The following GALNT13 variants were observed in gnomAD, a reference collection of about 807,000 sequenced individuals.
GALNT13 encodes the protein UDP-GalNAc:polypeptide N-acetylgalactosaminyltransferase 13.
GALNT13 carries 28 observed loss-of-function variants against 64.2 expected under a neutral mutation model. That is an observed-to-expected ratio of 0.44 (90% confidence interval 0.32 to 0.60). The LOEUF is 0.60. Among genes scored for constraint, GALNT13 ranks in the 20% least tolerant of loss-of-function variants. The probability of loss-of-function intolerance (pLI) is 0.05; values close to 1 mark genes in which losing one functional copy is unlikely to be tolerated. For synonymous variants in GALNT13, 214 were observed against 224.6 expected, an observed-to-expected ratio of 0.95 and a Z score of 0.42; for missense variants, 577 against 669.8, an observed-to-expected ratio of 0.86 and a Z score of 1.53.
At chr2:154,138,508 TA>T (rs1423366145) in intron 3 of GALNT13, among the ~76,000 whole-genome samples, 2 of 151,506 alleles carry the variant, frequency 1.3e-5, no homozygotes, top group Non-Finnish European at 2.9e-5. Flanking sequence ...AGAATCAGAA[TA>T]TTTTTTATAC....
the GALNT13 span, among the ~76,000 whole-genome samples, chr2:153,381,875 T>C: frequency 3.2e-4 from 48 of 152,242 alleles, no homozygotes; most frequent in African/African-American, 1.1e-3. Context: ...TCAGTGAGGC[T>C]GTCTTCCTGG....
At chr2:153,658,770 CAG>C in the GALNT13 span, among the ~76,000 whole-genome samples, 1 of 112,374 alleles carries the variant, frequency 8.9e-6, no homozygotes, top group African/African-American at 3.2e-5. Context: ...GCAAAACTGC[CAG>C]ACTTTGCTTG....
the GALNT13 span, among the ~76,000 whole-genome samples, chr2:153,470,406 C>T: frequency 6.6e-6 from 1 of 152,152 alleles, no homozygotes; most frequent in Non-Finnish European, 1.5e-5. Context: ...CACCCAGTCA[C>T]AGCGGTTTGT....
At chr2:153,411,310 G>T in the GALNT13 span, among the ~76,000 whole-genome samples, 1 of 151,998 alleles carries the variant, frequency 6.6e-6, no homozygotes, top group East Asian at 1.9e-4. Flanking sequence ...ATCCGATAGG[G>T]AGATGTGGCC....
chr2:153,452,074 G>A, the GALNT13 span, among the ~76,000 whole-genome samples: 358 of 152,286 alleles, frequency 2.4e-3, 2 homozygotes, highest in Non-Finnish European at 3.9e-3. Context: ...CATTGGTTTG[G>A]TTTTGGTTAA....
At chr2:154,267,353 T>C (rs1406958248) in intron 8 of GALNT13, among the ~76,000 whole-genome samples, 1 of 152,014 alleles carries the variant, frequency 6.6e-6, no homozygotes, top group Non-Finnish European at 1.5e-5. Context: ...AACTTGTGCT[T>C]TTCAGGCCGG....
the GALNT13 span, among the ~76,000 whole-genome samples, chr2:153,387,158 A>G: frequency 1.3e-5 from 2 of 152,124 alleles, no homozygotes. Flanking sequence ...CTGAAAGGCA[A>G]CCATATTTTT....
chr2:153,689,604 T>A, the GALNT13 span, among the ~76,000 whole-genome samples: 1 of 152,118 alleles, frequency 6.6e-6, no homozygotes, highest in East Asian at 1.9e-4. Flanking sequence ...TAGATTTTTG[T>A]TTGTGGTGTC....
the GALNT13 span, among the ~76,000 whole-genome samples, chr2:153,755,687 T>C: frequency 6.6e-6 from 1 of 152,188 alleles, no homozygotes; most frequent in Non-Finnish European, 1.5e-5. Context: ...GTTTCCTGAA[T>C]CTGTAGTTTG....
At chr2:153,900,036 A>C (rs2105290099) in intron 1 of GALNT13, among the ~76,000 whole-genome samples, 1 of 149,830 alleles carries the variant, frequency 6.7e-6, no homozygotes, top group Non-Finnish European at 1.5e-5. Flanking sequence ...CCTGGGTTCA[A>C]GTGATGGTCC....
chr2:153,397,822 G>T, the GALNT13 span, among the ~76,000 whole-genome samples: 1 of 152,042 alleles, frequency 6.6e-6, no homozygotes, highest in Non-Finnish European at 1.5e-5. Flanking sequence ...ATGACTCAGA[G>T]AATTTCAGTT....
intron 7 of GALNT13, among the ~76,000 whole-genome samples, chr2:154,252,774 G>GATA (rs1690153520): frequency 7.4e-6 from 1 of 134,698 alleles, no homozygotes; most frequent in African/African-American, 2.7e-5. Flanking sequence ...TAGATAGATA[G>GATA]ATAGATAATA....
intron 8 of GALNT13, among the ~76,000 whole-genome samples, chr2:154,282,466 C>T (rs1266455840): frequency 1.3e-5 from 2 of 152,094 alleles, no homozygotes; most frequent in African/African-American, 4.8e-5. Flanking sequence ...ATGATCTCTA[C>T]AAGTGGTTTG....
chr2:153,522,668 T>C, the GALNT13 span, among the ~76,000 whole-genome samples: 1 of 152,208 alleles, frequency 6.6e-6, no homozygotes, highest in Non-Finnish European at 1.5e-5. Flanking sequence ...TTCTTTCGTG[T>C]GGTGCCTATT....
At chr2:153,364,705 A>G in the GALNT13 span, among the ~76,000 whole-genome samples, 1 of 152,188 alleles carries the variant, frequency 6.6e-6, no homozygotes, top group Non-Finnish European at 1.5e-5. Context: ...TTCAAAGAGA[A>G]CTACAAACCA....
At chr2:154,128,650 G>C (rs1383993153) in intron 3 of GALNT13, among the ~76,000 whole-genome samples, 1 of 152,020 alleles carries the variant, frequency 6.6e-6, no homozygotes, top group Non-Finnish European at 1.5e-5. Flanking sequence ...GTAGGAGGCG[G>C]GTAGTGATTA....
At chr2:153,782,592 A>G in the GALNT13 span, among the ~76,000 whole-genome samples, 1 of 152,210 alleles carries the variant, frequency 6.6e-6, no homozygotes, top group African/African-American at 2.4e-5. Context: ...TGGGTTATTA[A>G]GGTGAGTTTA....
the GALNT13 span, among the ~76,000 whole-genome samples, chr2:153,695,459 G>C: frequency 2.6e-5 from 4 of 152,124 alleles, no homozygotes; most frequent in Non-Finnish European, 5.9e-5. Context: ...CATATGGGCA[G>C]GTCTACAACA....
chr2:154,377,070 G>T (rs1309627356), intron 9 of GALNT13, among the ~76,000 whole-genome samples: 1 of 152,074 alleles, frequency 6.6e-6, no homozygotes, highest in Non-Finnish European at 1.5e-5. Flanking sequence ...AATTCTACCT[G>T]CAGGATTACC....
Sources: allele counts gnomAD v4.1 joint callset (sites outside exome capture counted in the v4.1 genomes callset), GRCh38; gene constraint gnomAD v4.1.1; transcripts MANE v1.5; gene names NCBI Gene and HGNC (gene_info 2026-07-23, HGNC 2026-07-21).